The following GLT1D1 variants were observed in gnomAD, a reference collection of about 807,000 sequenced individuals.
The protein encoded by GLT1D1 is glycosyltransferase 1 domain-containing protein 1.
Under a neutral mutation model 28.7 loss-of-function variants are expected in GLT1D1, and 21 were observed. The observed-to-expected ratio is 0.73, with a 90% CI of 0.52 to 1.05. GLT1D1 has a LOEUF of 1.05. Ranked by LOEUF, GLT1D1 falls within the 50% of genes least tolerant of loss-of-function variation. GLT1D1 has a pLI of 0.00. For missense variants in GLT1D1, 343 were observed against 330.6 expected (o/e 1.04, Z -0.29); for synonymous variants, 147 against 124.8 (o/e 1.18, Z -1.19).
At chr12:128,862,624 G>T (rs1956409961) in intron 1 of GLT1D1, among the ~76,000 whole-genome samples, 1 of 152,186 alleles carries the variant, frequency 6.6e-6, no homozygotes, top group South Asian at 2.1e-4. Flanking sequence ...AGCTTGGGCA[G>T]CAACAGAATG....
intron 1 of GLT1D1, among the ~76,000 whole-genome samples, chr12:128,862,102 G>A (rs925710297): frequency 6.6e-6 from 1 of 152,194 alleles, no homozygotes; most frequent in African/African-American, 2.4e-5. Flanking sequence ...GCTGAGGCAG[G>A]CAGGTCACTT....
At chr12:128,862,098 G>A (rs1956393856) in intron 1 of GLT1D1, among the ~76,000 whole-genome samples, 1 of 152,194 alleles carries the variant, frequency 6.6e-6, no homozygotes, top group African/African-American at 2.4e-5. Context: ...GGAGGCTGAG[G>A]CAGGCAGGTC....
At chr12:128,974,094 C>A (rs1455248807) in intron 7 of GLT1D1, among the ~76,000 whole-genome samples, 1 of 151,998 alleles carries the variant, frequency 6.6e-6, no homozygotes, top group Non-Finnish European at 1.5e-5. Flanking sequence ...GCTCCCATCT[C>A]TTGATCTGTG....
At chr12:128,854,469 A>C (rs1186689051) in intron 1 of GLT1D1, among the ~76,000 whole-genome samples, 1 of 149,390 alleles carries the variant, frequency 6.7e-6, no homozygotes, top group Non-Finnish European at 1.5e-5. Context: ...AAATTTCCCG[A>C]TTTACTTCCC....
At chr12:128,913,344 C>T (rs527544758) in intron 4 of GLT1D1, among the ~76,000 whole-genome samples, 8 of 152,232 alleles carry the variant, frequency 5.3e-5, no homozygotes, top group South Asian at 2.1e-4. Flanking sequence ...CTCAGCCTCC[C>T]GAGTAGCTGG....
intron 4 of GLT1D1, among the ~76,000 whole-genome samples, chr12:128,908,268 C>T (rs533040162): frequency 6.6e-6 from 1 of 152,248 alleles, no homozygotes; most frequent in South Asian, 2.1e-4. Context: ...AATCCTACCC[C>T]AGTCTAGTTT....
chr12:128,899,819 C>T (rs470735), intron 4 of GLT1D1, among the ~76,000 whole-genome samples: 149,302 of 152,258 alleles, frequency 0.98, 73,283 homozygotes, highest in East Asian at 1. Context: ...CCCAAAGTGC[C>T]GGGATTACAG....
At chr12:128,858,889 C>T (rs1411722296) in intron 1 of GLT1D1, among the ~76,000 whole-genome samples, 1 of 152,122 alleles carries the variant, frequency 6.6e-6, no homozygotes, top group Non-Finnish European at 1.5e-5. Context: ...CTATGGATCC[C>T]AGGTCTTAAG....
intron 7 of GLT1D1, among the ~76,000 whole-genome samples, chr12:128,981,687 C>T: frequency 6.6e-6 from 1 of 152,268 alleles, no homozygotes; most frequent in East Asian, 1.9e-4. Context: ...GGCATTGCTG[C>T]CTTCTTGGAA....
intron 7 of GLT1D1, among the ~76,000 whole-genome samples, chr12:128,962,821 C>T (rs1176132806): frequency 6.6e-6 from 1 of 152,094 alleles, no homozygotes; most frequent in African/African-American, 2.4e-5. Context: ...CCTGTCTCAG[C>T]CTCCCGAGTA....
chr12:128,887,487 A>G (rs1482736359), intron 2 of GLT1D1, among the ~76,000 whole-genome samples: 1 of 109,124 alleles, frequency 9.2e-6, no homozygotes, highest in Non-Finnish European at 2.0e-5. Flanking sequence ...CAGTCTTTCT[A>G]TGTGAGTACA....
At chr12:128,973,340 AC>A (rs1879409161) in intron 7 of GLT1D1, among the ~76,000 whole-genome samples, 1 of 135,736 alleles carries the variant, frequency 7.4e-6, no homozygotes, top group Non-Finnish European at 1.6e-5. Context: ...GTGCCACCAC[AC>A]CTGGCTATTT....
chr12:128,940,245 A>G (rs1282519392), intron 4 of GLT1D1, among the ~76,000 whole-genome samples: 2 of 152,256 alleles, frequency 1.3e-5, no homozygotes, highest in South Asian at 2.1e-4. Context: ...CAACACATAT[A>G]GCAGTTACTG....
At chr12:128,933,569 C>A (rs559938804) in intron 4 of GLT1D1, among the ~76,000 whole-genome samples, 1 of 152,266 alleles carries the variant, frequency 6.6e-6, no homozygotes, top group Admixed American at 6.5e-5. Flanking sequence ...ACTTGGGTGA[C>A]CCCGGATGGA....
At chr12:128,905,433 A>G (rs2135867728) in intron 4 of GLT1D1, among the ~76,000 whole-genome samples, 1 of 152,302 alleles carries the variant, frequency 6.6e-6, no homozygotes, top group African/African-American at 2.4e-5. Context: ...ACATGAACGG[A>G]CATGTGCCCA....
chr12:128,980,539 G>T (rs1203721318), intron 7 of GLT1D1, among the ~76,000 whole-genome samples: 1 of 152,194 alleles, frequency 6.6e-6, no homozygotes, highest in South Asian at 2.1e-4. Flanking sequence ...TCTGGTGAGT[G>T]GCCTGGGGCC....
intron 5 of GLT1D1, 80 bp downstream of exon 9, chr12:128,945,449 C>T: frequency 9.1e-7 from 1 of 1,099,976 alleles, no homozygotes. Context: ...CACATTTATC[C>T]AGTCCCAGGC....
At chr12:128,924,890 C>T (rs1325423652) in intron 4 of GLT1D1, among the ~76,000 whole-genome samples, 1 of 152,160 alleles carries the variant, frequency 6.6e-6, no homozygotes, top group Non-Finnish European at 1.5e-5. Flanking sequence ...CCCAGGCCAG[C>T]CCCGGGTCTT....
At chr12:128,921,234 C>T (rs1389258667) in intron 4 of GLT1D1, among the ~76,000 whole-genome samples, 1 of 151,740 alleles carries the variant, frequency 6.6e-6, no homozygotes, top group Non-Finnish European at 1.5e-5. Flanking sequence ...GTCTATAGCC[C>T]TTTATTCTAT....
Sources: gnomAD v4.1 joint callset for allele counts (sites outside exome capture counted in the v4.1 genomes callset) on GRCh38, gnomAD v4.1.1 for gene constraint, MANE v1.5 for transcripts, NCBI Gene and HGNC (gene_info 2026-07-23, HGNC 2026-07-21) for gene names.